The following HIF1A variants were observed in gnomAD, a reference collection of about 807,000 sequenced individuals.
HIF1A encodes the protein hypoxia-inducible factor 1-alpha.
HIF1A carries 24 observed loss-of-function variants against 92.7 expected under a neutral mutation model. That is an observed-to-expected ratio of 0.26 (90% CI 0.19 to 0.36). The LOEUF (loss-of-function observed/expected upper bound fraction) is 0.36, where lower values mean the gene tolerates loss of function less well. HIF1A is among the 10% of genes least tolerant of loss of function. The pLI, the probability that HIF1A is intolerant of heterozygous loss-of-function variation, is 1.00. For synonymous variants in HIF1A, 319 were observed against 338.7 expected, an observed-to-expected ratio of 0.94 and a Z score of 0.64; for missense variants, 799 against 998.5, an observed-to-expected ratio of 0.80 and a Z score of 2.69.
chr14:61,727,885 G>T (rs535617904), intron 6 of HIF1A, among the ~76,000 whole-genome samples: 1 of 152,154 alleles, frequency 6.6e-6, no homozygotes, highest in South Asian at 2.1e-4. Context: ...ACAAAAATTA[G>T]TGGGACGTGG....
intron 1 of HIF1A, among the ~76,000 whole-genome samples, chr14:61,703,645 C>T (rs77977889): frequency 6.6e-6 from 1 of 151,566 alleles, no homozygotes; most frequent in Admixed American, 6.6e-5. Flanking sequence ...GTAAAAAAAA[C>T]TCCCTCTCTC....
rs34005929 is a variant in HIF1A, at chr14:61,740,835, G to A, written c.1740G>A (p.Leu580=). Residue 580 remains leucine, a synonymous_variant, in exon 12 of 15, where the codon TTG becomes TTA. Coordinates refer to ENST00000337138, the MANE Select transcript of HIF1A (RefSeq NM_001530.4). ...TCCAGTTACGTTCCTTCGATCAGTT[G>A]TCACCATTAGAAAGCAGTTCCGCAA... ...DDFQLRSFDQ[L]SPLESSSASP... 2.7e-3 allele frequency: 4,390 copies of A among 1,614,068 alleles called. 13 individuals are homozygous for A. The highest frequency in any genetic ancestry group is 3.2e-3 in the South Asian group (289 of 91,086).
At chr14:61,714,991 G>T (rs376675622) in intron 1 of HIF1A, among the ~76,000 whole-genome samples, 2 of 151,964 alleles carry the variant, frequency 1.3e-5, no homozygotes, top group Admixed American at 1.3e-4. Flanking sequence ...CCGAGATCGC[G>T]CCATTGCACT....
intron 10 of HIF1A, 142 bp downstream of exon 10, chr14:61,738,515 T>TG: frequency 1.3e-6 from 1 of 794,758 alleles, no homozygotes; most frequent in Non-Finnish European, 2.0e-6. Flanking sequence ...TTAAAATTAT[T>TG]GCAAGAGCTA....
At chr14:61,740,427 T>A in intron 10 of HIF1A, 78 bp from the exon 11 acceptor site, 1 of 1,066,672 alleles carries the variant, frequency 9.4e-7, no homozygotes, top group Non-Finnish European at 1.4e-6. Context: ...TTTTCTGAGA[T>A]CTAGTTTGAA....
intron 4 of HIF1A, among the ~76,000 whole-genome samples, chr14:61,724,464 G>A (rs1411644507): frequency 1.3e-5 from 2 of 150,314 alleles, no homozygotes; most frequent in Non-Finnish European, 3.0e-5. Flanking sequence ...TCCTTCCAGG[G>A]AGGGCAAATT....
At chr14:61,704,741 C>T (rs2044218363) in intron 1 of HIF1A, among the ~76,000 whole-genome samples, 1 of 152,136 alleles carries the variant, frequency 6.6e-6, no homozygotes, top group Non-Finnish European at 1.5e-5. Context: ...ACTCAGGCAC[C>T]TAACTATTAT....
chr14:61,709,435 T>C (rs1041665942), intron 1 of HIF1A, among the ~76,000 whole-genome samples: 4 of 152,246 alleles, frequency 2.6e-5, no homozygotes, highest in Admixed American at 6.5e-5. Context: ...AGATGTGATA[T>C]AGATTTCATT....
At chr14:61,726,483 G>T in intron 4 of HIF1A, 1 of 333,716 alleles carries the variant, frequency 3.0e-6, no homozygotes, top group Non-Finnish European at 5.5e-6. Context: ...TCCCAAATAT[G>T]GATTATCTTT....
At chr14:61,709,926 A>AT (rs35754318) in intron 1 of HIF1A, among the ~76,000 whole-genome samples, 1 of 152,146 alleles carries the variant, frequency 6.6e-6, no homozygotes, top group African/African-American at 2.4e-5. Flanking sequence ...TTCATGGTGA[A>AT]TTTTTGTTAA....
chr14:61,696,264 C>T (rs541164608), intron 1 of HIF1A, among the ~76,000 whole-genome samples: 1 of 152,384 alleles, frequency 6.6e-6, no homozygotes, highest in African/African-American at 2.4e-5. Flanking sequence ...CGCTCCTTCC[C>T]GCCCCCATCC....
chr14:61,718,687 ATTTT>A (rs566074439), intron 1 of HIF1A, among the ~76,000 whole-genome samples: 3 of 151,604 alleles, frequency 2.0e-5, no homozygotes, highest in Non-Finnish European at 4.4e-5. Flanking sequence ...TCAGTGACTA[ATTTT>A]TTTTTATTGT....
chr14:61,725,966 C>A (rs1290917519), intron 4 of HIF1A, among the ~76,000 whole-genome samples: 1 of 151,728 alleles, frequency 6.6e-6, no homozygotes, highest in African/African-American at 2.4e-5. Flanking sequence ...ATTACAGGCA[C>A]CCACTATCAC....
At chr14:61,727,336 G>C (rs1259066821) in intron 5 of HIF1A, 117 bp from the exon 6 acceptor site, 1 of 725,240 alleles carries the variant, frequency 1.4e-6, no homozygotes, top group Non-Finnish European at 2.4e-6. Context: ...TAATCCACTA[G>C]TGACAGTAAA....
At chr14:61,700,322 C>G (rs1261067617) in intron 1 of HIF1A, among the ~76,000 whole-genome samples, 1 of 152,146 alleles carries the variant, frequency 6.6e-6, no homozygotes, top group Non-Finnish European at 1.5e-5. Context: ...CTCTCCTCAG[C>G]CTCTGGCAAC....
intron 6 of HIF1A, among the ~76,000 whole-genome samples, chr14:61,729,705 C>T (rs1280293049): frequency 2.0e-5 from 3 of 151,896 alleles, no homozygotes; most frequent in South Asian, 4.2e-4. Context: ...CTTAAGGTAA[C>T]AAAGTAGAGA....
intron 4 of HIF1A, among the ~76,000 whole-genome samples, chr14:61,725,977 A>T (rs2044498504): frequency 6.6e-6 from 1 of 151,650 alleles, no homozygotes; most frequent in Admixed American, 6.6e-5. Flanking sequence ...CCACTATCAC[A>T]CCCAGCTAAT....
chr14:61,696,634 A>ATAT lies in HIF1A; in HGVS notation c.35+799_35+801dup, dbSNP rs908703161. On this transcript the variant is annotated intron_variant, in intron 1 of 14. Coordinates refer to ENST00000337138, the MANE Select transcript of HIF1A (RefSeq NM_001530.4). ...CATATCACCTGTCACGAGAACGCAGATATTATAAATGAATATATGCCTCAT... is the reference window on the plus strand; with the variant it reads ...CATATCACCTGTCACGAGAACGCAGATATTATTATAAATGAATATATGCCTCAT... 3.6e-4 allele frequency among the ~76,000 whole-genome samples: 55 copies of ATAT among 152,306 alleles called. 1 individual carries two copies. Among genetic ancestry groups the ATAT allele is most frequent in the Admixed American group, 3.6e-3 (55 of 15,302 alleles).
chr14:61,716,984 A>T (rs1383030839), intron 1 of HIF1A: 2 of 152,210 alleles, frequency 1.3e-5, no homozygotes, highest in Non-Finnish European at 2.9e-5. Flanking sequence ...GCAGTAGCAG[A>T]ACATATCAGC....
Sources: allele counts gnomAD v4.1 joint callset (sites outside exome capture counted in the v4.1 genomes callset), GRCh38; gene constraint gnomAD v4.1.1; transcripts MANE v1.5; gene names NCBI Gene and HGNC (gene_info 2026-07-23, HGNC 2026-07-21).